Variants in ZFAT observed in about 807,000 individuals in gnomAD.
ZFAT encodes the protein zinc finger and AT-hook domain containing, also known as zinc finger protein ZFAT.
ZFAT carries 64 observed loss-of-function variants against 117.7 expected under a neutral mutation model. The observed-to-expected ratio is 0.54, with a 90% CI of 0.44 to 0.67. The LOEUF is 0.67. ZFAT is among the 30% of genes least tolerant of loss of function. ZFAT has a pLI of 0.00. For missense variants in ZFAT, 1,433 were observed against 1,584.5 expected, an observed-to-expected ratio of 0.90 and a Z score of 1.62; for synonymous variants, 679 against 615.0, an observed-to-expected ratio of 1.10 and a Z score of -1.54.
chr8:134,605,728 C>G (rs1443086826), intron 5 of ZFAT, among the ~76,000 whole-genome samples: 12 of 152,168 alleles, frequency 7.9e-5, no homozygotes. Context: ...AAGGTACCAA[C>G]ATAGGGAACT....
At chr8:134,587,052 T>C (rs951348226) in intron 9 of ZFAT, among the ~76,000 whole-genome samples, 3 of 152,208 alleles carry the variant, frequency 2.0e-5, no homozygotes, top group African/African-American at 7.2e-5. Flanking sequence ...GCCATTAGCA[T>C]TTGCACTTTG....
intron 5 of ZFAT, among the ~76,000 whole-genome samples, chr8:134,608,274 G>A (rs1828042078): frequency 6.6e-6 from 1 of 152,164 alleles, no homozygotes; most frequent in African/African-American, 2.4e-5. Flanking sequence ...TCCAGAAACA[G>A]TAACTCTAGG....
chr8:134,614,030 A>G (rs1014218309), intron 3 of ZFAT, among the ~76,000 whole-genome samples: 2 of 152,186 alleles, frequency 1.3e-5, no homozygotes, highest in Non-Finnish European at 2.9e-5. Context: ...TGCTAACAGT[A>G]TCTTGACTAA....
chr8:134,813,819 C>A, the ZFAT span, among the ~76,000 whole-genome samples: 1 of 151,082 alleles, frequency 6.6e-6, no homozygotes, highest in African/African-American at 2.5e-5. Flanking sequence ...CACACACACA[C>A]ACACACACAC....
At chr8:134,820,170 G>A in the ZFAT span, among the ~76,000 whole-genome samples, 1 of 152,062 alleles carries the variant, frequency 6.6e-6, no homozygotes, top group Non-Finnish European at 1.5e-5. Context: ...TTTGAATGAG[G>A]GCATAGAAAA....
the ZFAT span, among the ~76,000 whole-genome samples, chr8:134,823,196 T>C: frequency 6.6e-6 from 1 of 152,166 alleles, no homozygotes; most frequent in Non-Finnish European, 1.5e-5. Flanking sequence ...TACATTTCAC[T>C]GGGAGACAGG....
chr8:134,724,464 C>T, the ZFAT span, among the ~76,000 whole-genome samples: 1 of 152,120 alleles, frequency 6.6e-6, no homozygotes, highest in East Asian at 1.9e-4. Context: ...GGCCAGTGGG[C>T]TATACTGCCA....
Position 134,478,761 on chromosome 8 carries a change from C to T in ZFAT, c.3493-40G>A. The T allele has an allele frequency of 1.3e-6, 2 of 1,530,240 alleles. No homozygotes were observed. The highest frequency in any genetic ancestry group is 1.2e-5 in the South Asian group (1 of 83,572). 94.8% of individuals were successfully genotyped at this position (1,530,240 alleles called of 1,614,324 possible). A position where few individuals can be genotyped will look rare whatever the true frequency, so the allele number is the denominator to read the frequency against. On this transcript the variant is annotated intron_variant, in intron 15 of 15. Coordinates refer to ENST00000377838, the MANE Select transcript of ZFAT (RefSeq NM_020863.4). The surrounding 1 kb of genome is among the most constrained non-coding windows in gnomAD (Gnocchi z 5.2). ...CAAGAGAAAGGTCACCCAGCGCCTACTTCCCGGTCCAGCGTAACAACAAAG... is the reference window on the plus strand; with the variant it reads ...CAAGAGAAAGGTCACCCAGCGCCTATTTCCCGGTCCAGCGTAACAACAAAG...
intron 6 of ZFAT, 106 bp from the exon 7 acceptor site, chr8:134,600,774 G>A (rs376832231): frequency 6.8e-5 from 62 of 908,898 alleles, no homozygotes; most frequent in South Asian, 5.3e-4. Flanking sequence ...TCCCTCTTGC[G>A]CTTGTCCGGG....
intron 11 of ZFAT, among the ~76,000 whole-genome samples, chr8:134,549,950 A>T (rs1009158217): frequency 1.3e-5 from 2 of 152,190 alleles, no homozygotes; most frequent in Admixed American, 6.5e-5. Context: ...GACCTCTTCA[A>T]GGACCTCAGG....
chr8:134,719,443 CCAG>C, the ZFAT span, among the ~76,000 whole-genome samples: 2 of 152,008 alleles, frequency 1.3e-5, no homozygotes, highest in African/African-American at 2.4e-5. Flanking sequence ...CCAAAGAAGC[CCAG>C]CAGCAGCAGC....
intron 2 of ZFAT, among the ~76,000 whole-genome samples, chr8:134,653,776 A>T (rs1426251968): frequency 6.6e-6 from 1 of 152,316 alleles, no homozygotes; most frequent in East Asian, 1.9e-4. Context: ...TGAAATGAAG[A>T]AATATCCAGT....
At chr8:134,697,649 C>G (rs1833903091) in intron 1 of ZFAT, among the ~76,000 whole-genome samples, 1 of 151,140 alleles carries the variant, frequency 6.6e-6, no homozygotes, top group Admixed American at 6.6e-5. Flanking sequence ...ATGGCGTGAA[C>G]CCGGAAGGCG....
the ZFAT span, among the ~76,000 whole-genome samples, chr8:134,779,449 C>T: frequency 6.6e-6 from 1 of 152,150 alleles, no homozygotes; most frequent in Non-Finnish European, 1.5e-5. Flanking sequence ...CCTCCTGACC[C>T]TGGTAAACAG....
the ZFAT span, among the ~76,000 whole-genome samples, chr8:134,725,464 C>A: frequency 6.6e-6 from 1 of 152,010 alleles, no homozygotes; most frequent in African/African-American, 2.4e-5. Flanking sequence ...ACATGGCCAG[C>A]GTAGGAGCAA....
chr8:134,656,194 C>G (rs1831591048), intron 2 of ZFAT, among the ~76,000 whole-genome samples: 1 of 152,184 alleles, frequency 6.6e-6, no homozygotes. Context: ...GAGGTTCTGA[C>G]TCTCACTGTC....
At chr8:134,647,692 T>A (rs535584285) in intron 2 of ZFAT, among the ~76,000 whole-genome samples, 264 of 152,230 alleles carry the variant, frequency 1.7e-3, no homozygotes, top group Admixed American at 4.8e-3. Flanking sequence ...AGATACAAAA[T>A]CAACATACAA....
intron 10 of ZFAT, among the ~76,000 whole-genome samples, chr8:134,577,081 T>C (rs1825367566): frequency 6.6e-6 from 1 of 152,214 alleles, no homozygotes; most frequent in South Asian, 2.1e-4. Context: ...CAGCACATCA[T>C]GTCTAGGGCT....
intron 10 of ZFAT, among the ~76,000 whole-genome samples, chr8:134,570,838 C>A (rs1162572066): frequency 6.6e-6 from 1 of 152,148 alleles, no homozygotes; most frequent in African/African-American, 2.4e-5. Context: ...TCAGAACTGT[C>A]CAGATATGAA....
Sources: allele counts gnomAD v4.1 joint callset (sites outside exome capture counted in the v4.1 genomes callset), GRCh38; gene constraint gnomAD v4.1.1; non-coding constraint Gnocchi (gnomAD v3.1); transcripts MANE v1.5; gene names NCBI Gene and HGNC (gene_info 2026-07-23, HGNC 2026-07-21).